Variants in ESYT2 observed in about 807,000 individuals in gnomAD.
The protein encoded by ESYT2 is extended synaptotagmin-2.
In ESYT2, 54 loss-of-function variants were observed where a neutral mutation model predicts 107.2. That is an observed-to-expected ratio of 0.50 (90% CI 0.40 to 0.63). The LOEUF is 0.63. Among genes scored for constraint, ESYT2 ranks in the 30% least tolerant of loss-of-function variants. The pLI is 0.00. For synonymous variants in ESYT2, 491 were observed against 434.1 expected, an observed-to-expected ratio of 1.13 and a Z score of -1.63; for missense variants, 1,020 against 1,094.5, an observed-to-expected ratio of 0.93 and a Z score of 0.96.
chr7:158,800,670 G>A (rs1246646330), intron 1 of ESYT2, among the ~76,000 whole-genome samples: 1 of 151,772 alleles, frequency 6.6e-6, no homozygotes, highest in Non-Finnish European at 1.5e-5. Flanking sequence ...AATTACAAGT[G>A]TGAGCCACTG....
chr7:158,820,806 T>C (rs1241097946), intron 1 of ESYT2, among the ~76,000 whole-genome samples: 1 of 152,056 alleles, frequency 6.6e-6, no homozygotes, highest in Non-Finnish European at 1.5e-5. Context: ...TAAATAAAAA[T>C]AATTGAAAAA....
chr7:158,792,407 A>G (rs1370911633), intron 4 of ESYT2, among the ~76,000 whole-genome samples: 1 of 151,598 alleles, frequency 6.6e-6, no homozygotes, highest in South Asian at 2.1e-4. Flanking sequence ...ATGCACCTGT[A>G]GTCTCAGCTA....
rs111781867 is a variant in ESYT2 at position 158,782,385 on chromosome 7, G to GTGAGT, written c.747+5618_747+5619insACTCA. On this transcript the variant is annotated intron_variant, in intron 6 of 22. Coordinates refer to ENST00000275418, the MANE Select transcript of ESYT2 (RefSeq NM_001367773.1). Reference sequence around the variant, plus strand: ...GTGAACGAGTGTGAGAACAAAGTGAGGTAAGAACGAGAACAAGTGAGTGAA... The same window carrying GTGAGT: ...GTGAACGAGTGTGAGAACAAAGTGAGTGAGTGTAAGAACGAGAACAAGTGAGTGAA... Among the ~76,000 whole-genome samples the GTGAGT allele has an allele frequency of 9.2e-5, 8 of 86,704 alleles. 4 individuals are homozygous for GTGAGT. The highest frequency in any genetic ancestry group is 1.2e-4 in the Non-Finnish European group (4 of 33,816). 56.9% of individuals were successfully genotyped at this position (86,704 alleles called of 152,430 possible). A position where few individuals can be genotyped will look rare whatever the true frequency, so the allele number is the denominator to read the frequency against.
intron 19 of ESYT2, among the ~76,000 whole-genome samples, chr7:158,738,120 C>A (rs910322543): frequency 2.0e-5 from 3 of 151,960 alleles, no homozygotes; most frequent in African/African-American, 7.3e-5. Context: ...ACTCAGGAGG[C>A]CTGGCCAACA....
At chr7:158,763,532 T>C (rs555557006) in intron 9 of ESYT2, among the ~76,000 whole-genome samples, 10 of 152,308 alleles carry the variant, frequency 6.6e-5, no homozygotes, top group East Asian at 1.9e-4. Flanking sequence ...TGACCTTAAA[T>C]GATCCACCCA....
intron 6 of ESYT2, among the ~76,000 whole-genome samples, chr7:158,777,622 G>C (rs1215032119): frequency 6.6e-6 from 1 of 152,114 alleles, no homozygotes; most frequent in African/African-American, 2.4e-5. Context: ...GGCCTCCCCA[G>C]ACATGCAGAA....
In ESYT2 at chr7:158,820,204, C is replaced by T. The variant is rs557842126; in HGVS notation, c.330+8885G>A. Among the ~76,000 whole-genome samples the T allele has an allele frequency of 5.9e-5, 9 of 152,152 alleles. No individual in the cohort carries two copies. The South Asian group carries it at 1.9e-3, about 32-fold the overall frequency. On this transcript the variant is annotated intron_variant, in intron 1 of 22. Transcript: ENST00000275418. ...AAAAAGTGAACATGTATTATTTTTA[C>T]TAAAAGAATGGGGGAGAGTCTAGAG...
At chr7:158,767,222 C>T (rs1354911126) in intron 8 of ESYT2, among the ~76,000 whole-genome samples, 2 of 152,194 alleles carry the variant, frequency 1.3e-5, no homozygotes, top group Non-Finnish European at 2.9e-5. Flanking sequence ...TCAGAGGCAA[C>T]GGAATTCTAA....
chr7:158,740,911 AACT>A (rs1837173556), intron 18 of ESYT2, among the ~76,000 whole-genome samples: 1 of 152,124 alleles, frequency 6.6e-6, no homozygotes, highest in Non-Finnish European at 1.5e-5. Context: ...ACACAGGGAG[AACT>A]ATTTCAAAGG....
At chr7:158,772,583 A>T (rs1214989417) in intron 7 of ESYT2, among the ~76,000 whole-genome samples, 3 of 152,210 alleles carry the variant, frequency 2.0e-5, no homozygotes, top group African/African-American at 4.8e-5. Context: ...CTGTAATTTC[A>T]AAACTTCCTA....
At position 158,829,114 on chromosome 7, in the gene ESYT2, A is replaced by T; in HGVS notation, c.305T>A (p.Val102Glu). 6 of 1,578,660 alleles carry T rather than the reference A, an allele frequency of 3.8e-6. No individual in the cohort carries two copies. Among genetic ancestry groups the T allele is most frequent in the Non-Finnish European group, 5.1e-6 (6 of 1,171,634 alleles). The change falls in exon 1 of 23, where the codon GTG becomes GAG. Residue 102 changes from valine to glutamate, a missense_variant. Val to Glu is a moderately radical substitution (Grantham distance 121). Coordinates refer to ENST00000275418, the MANE Select transcript of ESYT2 (RefSeq NM_001367773.1). ...EDEERVVRLG[V>E]RACDLPAWVH... ...CCAGGCGGGCAGGTCGCAGGCGCGC[A>T]CCCCCAGGCGCACGACGCGCTCCTC...
intron 1 of ESYT2, among the ~76,000 whole-genome samples, chr7:158,811,883 T>C (rs1358124515): frequency 2.0e-5 from 3 of 152,202 alleles, no homozygotes; most frequent in Non-Finnish European, 4.4e-5. Flanking sequence ...ACAGTCTCTT[T>C]CAAGAGGAAT....
intron 4 of ESYT2, among the ~76,000 whole-genome samples, chr7:158,791,031 C>T (rs1839272677): frequency 6.6e-6 from 1 of 152,202 alleles, no homozygotes; most frequent in African/African-American, 2.4e-5. Context: ...GTGCAACCAT[C>T]ACCACCATCC....
intron 14 of ESYT2, 91 bp downstream of exon 14, chr7:158,752,690 G>A: frequency 6.5e-6 from 5 of 770,718 alleles, no homozygotes; most frequent in Non-Finnish European, 9.4e-6. Context: ...ATAAATATGG[G>A]AGGTAATTTG....
chr7:158,767,536 C>G, intron 8 of ESYT2, 118 bp downstream of exon 8: 1 of 1,372,906 alleles, frequency 7.3e-7, no homozygotes, highest in Non-Finnish European at 1.0e-6. Context: ...CATCAAGACC[C>G]GTGTGGCAAG....
At chr7:158,787,510 G>A (rs145695876) in intron 6 of ESYT2, among the ~76,000 whole-genome samples, 160 of 152,336 alleles carry the variant, frequency 1.1e-3, no homozygotes, top group Non-Finnish European at 1.8e-3. Context: ...GAAGAGGGAG[G>A]TTTACAGATG....
chr7:158,781,219 AGT>A (rs1158183051), intron 6 of ESYT2, among the ~76,000 whole-genome samples: 3 of 152,106 alleles, frequency 2.0e-5, no homozygotes, highest in Non-Finnish European at 4.4e-5. Context: ...GTGTGAGAAC[AGT>A]GTGAGGTGTG....
intron 7 of ESYT2, among the ~76,000 whole-genome samples, chr7:158,772,505 C>G (rs1453736533): frequency 6.6e-6 from 1 of 152,184 alleles, no homozygotes; most frequent in Admixed American, 6.5e-5. Context: ...AAACATATAA[C>G]TTTAACCCAC....
chr7:158,758,179 TACA>T (rs1837832867), intron 13 of ESYT2, among the ~76,000 whole-genome samples: 1 of 152,206 alleles, frequency 6.6e-6, no homozygotes. Context: ...TACAATTACA[TACA>T]ACAAAGAGTA....
Sources: gnomAD v4.1 joint callset for allele counts (sites outside exome capture counted in the v4.1 genomes callset) on GRCh38, gnomAD v4.1.1 for gene constraint, MANE v1.5 for transcripts, NCBI Gene and HGNC (gene_info 2026-07-23, HGNC 2026-07-21) for gene names.